GRIA4: variants seen among roughly 807,000 people sequenced by gnomAD.
GRIA4 encodes the protein glutamate receptor 4.
Under a neutral mutation model 104.0 loss-of-function variants are expected in GRIA4, and 34 were observed. The observed-to-expected ratio is 0.33, with a 90% CI of 0.25 to 0.44. The LOEUF (loss-of-function observed/expected upper bound fraction) is 0.44. Among genes scored for constraint, GRIA4 ranks in the 20% least tolerant of loss-of-function variants. The pLI is 1.00. For synonymous variants in GRIA4, 386 were observed against 381.9 expected, an observed-to-expected ratio of 1.01 and a Z score of -0.13; for missense variants, 750 against 1,096.5, an observed-to-expected ratio of 0.68 and a Z score of 4.46.
Position 105,668,247 on chromosome 11 carries a change from A to G in GRIA4, c.247+55813A>G, listed in dbSNP as rs969395384. Among the ~76,000 whole-genome samples, 15 of 144,164 alleles carry G rather than the reference A, an allele frequency of 1.0e-4. 1 individual carries two copies. In the Admixed American group the frequency reaches 1.1e-3, roughly 10 times the overall value. The allele number at this position is 144,164 out of a possible 152,430, so 94.6% of individuals were successfully genotyped here. On this transcript the variant is annotated intron_variant, in intron 3 of 16. Coordinates refer to ENST00000282499, the MANE Select transcript of GRIA4 (RefSeq NM_000829.4). ...AATATATATATATATATATATATAT[A>G]CTATATTATATATTCGACATTTTCT...
intron 4 of GRIA4, among the ~76,000 whole-genome samples, chr11:105,782,693 AC>A (rs1379595833): frequency 6.6e-6 from 1 of 152,168 alleles, no homozygotes; most frequent in Admixed American, 6.6e-5. Flanking sequence ...GGACTTAAGC[AC>A]TATTATAGGT....
At chr11:105,834,141 T>C (rs974726850) in intron 4 of GRIA4, among the ~76,000 whole-genome samples, 3 of 151,988 alleles carry the variant, frequency 2.0e-5, no homozygotes, top group Non-Finnish European at 4.4e-5. Context: ...AATGAGAGAA[T>C]TGACAGAGGA....
At chr11:105,916,057 G>A (rs997946650) in intron 10 of GRIA4, among the ~76,000 whole-genome samples, 5 of 135,168 alleles carry the variant, frequency 3.7e-5, no homozygotes, top group African/African-American at 1.0e-4. Context: ...GGTGGTGTGC[G>A]CCTGTAATCC....
chr11:105,783,231 C>T (rs576960884), intron 4 of GRIA4, among the ~76,000 whole-genome samples: 2 of 152,260 alleles, frequency 1.3e-5, no homozygotes, highest in South Asian at 4.1e-4. Flanking sequence ...AGAAAATATG[C>T]ATATTAGCTT....
intron 4 of GRIA4, among the ~76,000 whole-genome samples, chr11:105,808,612 G>A (rs1943047376): frequency 6.6e-6 from 1 of 152,034 alleles, no homozygotes. Context: ...AGACAGATCA[G>A]ATCCACAGAC....
At chr11:105,664,770 TC>T (rs1295874007) in intron 3 of GRIA4, among the ~76,000 whole-genome samples, 1 of 152,016 alleles carries the variant, frequency 6.6e-6, no homozygotes, top group African/African-American at 2.4e-5. Context: ...TCACGGGATC[TC>T]AAATATAATT....
At chr11:105,617,126 T>C (rs1249763758) in intron 3 of GRIA4, among the ~76,000 whole-genome samples, 2 of 149,640 alleles carry the variant, frequency 1.3e-5, no homozygotes, top group Admixed American at 1.3e-4. Context: ...TATATACATA[T>C]GATTATATAT....
At chr11:105,944,906 CAT>C (rs1310267976) in intron 14 of GRIA4, among the ~76,000 whole-genome samples, 1 of 152,154 alleles carries the variant, frequency 6.6e-6, no homozygotes, top group African/African-American at 2.4e-5. Flanking sequence ...AATACAAGCA[CAT>C]AGTGTCTGAT....
chr11:105,847,348 C>T (rs2135977808), intron 4 of GRIA4, among the ~76,000 whole-genome samples: 1 of 152,264 alleles, frequency 6.6e-6, no homozygotes, highest in African/African-American at 2.4e-5. Context: ...GCTGTGTAGC[C>T]AAGTTGCTAA....
intron 3 of GRIA4, among the ~76,000 whole-genome samples, chr11:105,745,266 T>A (rs1939580953): frequency 6.6e-6 from 1 of 152,216 alleles, no homozygotes; most frequent in Admixed American, 6.5e-5. Context: ...AATACGTTTG[T>A]TCGTATCACT....
At chr11:105,662,585 A>G (rs1952044734) in intron 3 of GRIA4, among the ~76,000 whole-genome samples, 1 of 151,942 alleles carries the variant, frequency 6.6e-6, no homozygotes, top group Non-Finnish European at 1.5e-5. Context: ...AAGCAACAGC[A>G]ATATATAACT....
intron 4 of GRIA4, among the ~76,000 whole-genome samples, chr11:105,838,107 T>TA (rs1409413687): frequency 6.6e-6 from 1 of 152,074 alleles, no homozygotes; most frequent in Non-Finnish European, 1.5e-5. Context: ...AAGATAAAGG[T>TA]AAAAAAAGAA....
At chr11:105,725,660 A>G (rs529018393) in intron 3 of GRIA4, among the ~76,000 whole-genome samples, 1 of 152,268 alleles carries the variant, frequency 6.6e-6, no homozygotes, top group African/African-American at 2.4e-5. Flanking sequence ...CCAACACAGA[A>G]AGAGGGTGAT....
intron 3 of GRIA4, among the ~76,000 whole-genome samples, chr11:105,724,940 A>G (rs200418679): frequency 1.3e-5 from 2 of 152,286 alleles, no homozygotes; most frequent in African/African-American, 4.8e-5. Flanking sequence ...GGTTGTCTAT[A>G]TGTTCAATTA....
rs1565265069 is a variant in GRIA4, at chr11:105,824,409, GA to G, written c.488-37614del. 2.0e-5 allele frequency among the ~76,000 whole-genome samples: 3 copies of G among 152,036 alleles called. No homozygotes were observed. In the South Asian group the frequency reaches 6.2e-4, roughly 32 times the overall value. ...CTGACTTCCTACTATGGAAGATGAA[GA>G]TGTAGCTCCCCAACAGCTTATTCCA... On this transcript the variant is annotated intron_variant, in intron 4 of 16. Transcript: ENST00000282499.
At chr11:105,925,304 A>C (rs1947675201) in intron 12 of GRIA4, among the ~76,000 whole-genome samples, 1 of 152,108 alleles carries the variant, frequency 6.6e-6, no homozygotes, top group Non-Finnish European at 1.5e-5. Context: ...AAAGCCAACC[A>C]TGCAAACACT....
At chr11:105,746,775 G>A (rs1214597990) in intron 3 of GRIA4, among the ~76,000 whole-genome samples, 1 of 151,972 alleles carries the variant, frequency 6.6e-6, no homozygotes, top group African/African-American at 2.4e-5. Context: ...ATATCAAAGG[G>A]ACAGAACTAA....
chr11:105,663,201 A>G (rs1325038992), intron 3 of GRIA4, among the ~76,000 whole-genome samples: 1 of 151,978 alleles, frequency 6.6e-6, no homozygotes, highest in African/African-American at 2.4e-5. Context: ...GATTTACTCA[A>G]GCCATTTTTA....
intron 4 of GRIA4, among the ~76,000 whole-genome samples, chr11:105,857,409 G>A (rs1452122832): frequency 3.9e-5 from 6 of 152,034 alleles, no homozygotes; most frequent in Admixed American, 3.9e-4. Context: ...GATTTATGAG[G>A]GAGGCTTTAA....
Sources: allele counts gnomAD v4.1 joint callset (sites outside exome capture counted in the v4.1 genomes callset), GRCh38; gene constraint gnomAD v4.1.1; transcripts MANE v1.5; gene names NCBI Gene and HGNC (gene_info 2026-07-23, HGNC 2026-07-21).